Variants in JAG2 observed in about 807,000 individuals in gnomAD.
JAG2 encodes the protein jagged canonical Notch ligand 2.
In JAG2, 46 loss-of-function variants were observed where a neutral mutation model predicts 141.7. The observed-to-expected ratio is 0.32, with a 90% CI of 0.26 to 0.42. JAG2 has a LOEUF of 0.42. JAG2 is among the 10% of genes least tolerant of loss of function. The pLI is 1.00. For synonymous variants in JAG2, 862 were observed against 763.5 expected (o/e 1.13, Z -2.13); for missense variants, 1,500 against 1,817.5 (o/e 0.83, Z 3.18).
intron 7 of JAG2, 43 bp from the exon 8 acceptor site, chr14:105,151,782 C>T (rs1566764294): frequency 1.2e-6 from 2 of 1,600,872 alleles, no homozygotes; most frequent in Non-Finnish European, 1.7e-6. Flanking sequence ...AGCCAGGCCC[C>T]CAGCTTTCCA....
At chr14:105,166,978 AC>A (rs1197624781) in intron 2 of JAG2, among the ~76,000 whole-genome samples, 3 of 151,800 alleles carry the variant, frequency 2.0e-5, no homozygotes, top group African/African-American at 7.3e-5. Flanking sequence ...ACCTACCACT[AC>A]CCACCTGCCA....
In JAG2 at chr14:105,154,545, A is replaced by G. The variant is rs903965215; in HGVS notation, c.788+1017T>C. 6.6e-6 allele frequency among the ~76,000 whole-genome samples: 1 copy of G among 151,964 alleles called. No individual in the cohort carries two copies. Among genetic ancestry groups the G allele is most frequent in the Non-Finnish European group, 1.5e-5 (1 of 67,966 alleles). On this transcript the variant is annotated intron_variant, in intron 5 of 25. Transcript: ENST00000331782. The surrounding 1 kb of genome is among the most constrained non-coding windows in gnomAD (Gnocchi z 4.4). ...CTCTGGTCTGGGTCCAGAGGCCTCCACCATCTGGACTTGGCTGTAAGACCC... is the reference window on the plus strand; with the variant it reads ...CTCTGGTCTGGGTCCAGAGGCCTCCGCCATCTGGACTTGGCTGTAAGACCC...
In JAG2 at chr14:105,145,785, C is replaced by G; in HGVS notation, c.2898G>C (p.Leu966=). The change falls in exon 23 of 26, where the codon CTG becomes CTC. Residue 966 remains leucine, a synonymous_variant. Transcript: ENST00000331782. ...STPCLPRSGH[L]DNNCARLTLH... is the part of the protein sequence containing the mutation. ...AGGTGAGGCGGGCACAGTTATTGTCCAGGTGGCCGGAGCGTGGCAGGCAGG... is the reference window on the plus strand; with the variant it reads ...AGGTGAGGCGGGCACAGTTATTGTCGAGGTGGCCGGAGCGTGGCAGGCAGG... 6.3e-7 allele frequency: 1 copy of G among 1,579,848 alleles called. No homozygotes were observed. Among genetic ancestry groups the G allele is most frequent in the Non-Finnish European group, 8.6e-7 (1 of 1,163,380 alleles).
chr14:105,160,682 G>A (rs1888721696), intron 2 of JAG2, among the ~76,000 whole-genome samples: 1 of 152,016 alleles, frequency 6.6e-6, no homozygotes, highest in Non-Finnish European at 1.5e-5. Context: ...GGTCAACACG[G>A]TTAATCCTCA....
chr14:105,158,037 C>T lies in JAG2; in HGVS notation c.418-274G>A, dbSNP rs79353266. ...GTTGGGGTGCCAGAGGCCCAGCCTG[C>T]CCTGAGCTGGCTCAAGTCAGCACGG... On this transcript the variant is annotated intron_variant, in intron 2 of 25. Coordinates refer to ENST00000331782, the MANE Select transcript of JAG2 (RefSeq NM_002226.5). Among the ~76,000 whole-genome samples the T allele has an allele frequency of 5.0e-3, 765 of 152,320 alleles. 5 individuals are homozygous for T. The highest frequency in any genetic ancestry group is 0.017 in the African/African-American group (724 of 41,570).
intron 25 of JAG2, 89 bp from the exon 26 acceptor site, chr14:105,143,259 G>A (rs1888118917): frequency 2.7e-6 from 4 of 1,456,126 alleles, no homozygotes; most frequent in Non-Finnish European, 2.8e-6. Flanking sequence ...AGGGCCCTGC[G>A]GGCCAGGCGG....
chr14:105,168,197 C>G, intron 1 of JAG2, 90 bp from the exon 2 acceptor site: 1 of 1,105,022 alleles, frequency 9.0e-7, no homozygotes. Context: ...CCCCGCCGCC[C>G]CGCCCCCACC....
At chr14:105,144,052 C>A (rs1227909728) in intron 24 of JAG2, among the ~76,000 whole-genome samples, 1 of 151,806 alleles carries the variant, frequency 6.6e-6, no homozygotes, top group Admixed American at 6.6e-5. Flanking sequence ...CACAGGAGAG[C>A]CCGGGGTCCT....
chr14:105,157,447 T>G (rs990505357), intron 3 of JAG2, among the ~76,000 whole-genome samples: 1 of 151,970 alleles, frequency 6.6e-6, no homozygotes, highest in Non-Finnish European at 1.5e-5. Context: ...CTCCACTAAG[T>G]CACTGCCATG....
intron 5 of JAG2, among the ~76,000 whole-genome samples, chr14:105,152,743 G>A (rs1028950386): frequency 7.2e-5 from 11 of 152,136 alleles, no homozygotes; most frequent in Admixed American, 1.3e-4. Context: ...ACGTGCCCTC[G>A]CCCCCACCTC....
chr14:105,148,916 C>A lies in JAG2; in HGVS notation c.1906+21G>T, dbSNP rs760777265. ...AGGCCAGCCCAGCCCCACCACCAGCCCGCCGTTCGTGGCCACTCACTCTCA... is the reference window on the plus strand; with the variant it reads ...AGGCCAGCCCAGCCCCACCACCAGCACGCCGTTCGTGGCCACTCACTCTCA... On this transcript the variant is annotated intron_variant, in intron 14 of 25. Coordinates refer to ENST00000331782, the MANE Select transcript of JAG2 (RefSeq NM_002226.5). The A allele has an allele frequency of 1.3e-5, 21 of 1,599,050 alleles. No homozygotes were observed. The South Asian group carries it at 2.4e-4, about 18-fold the overall frequency.
intron 17 of JAG2, 27 bp from the exon 18 acceptor site, chr14:105,147,915 G>A (rs192385853): frequency 4.0e-5 from 60 of 1,503,884 alleles, no homozygotes; most frequent in South Asian, 3.5e-4. Context: ...AGGAGGGAGC[G>A]TCTCACCTGG....
Position 105,154,802 on chromosome 14 carries a change from G to A in JAG2, c.788+760C>T, listed in dbSNP as rs984688571. Among the ~76,000 whole-genome samples the A allele has an allele frequency of 4.0e-5, 6 of 151,628 alleles. No individual in the cohort carries two copies. The highest frequency in any genetic ancestry group is 1.9e-4 in the East Asian group (1 of 5,142). On this transcript the variant is annotated intron_variant, in intron 5 of 25. Coordinates refer to ENST00000331782, the MANE Select transcript of JAG2 (RefSeq NM_002226.5). This position sits in a 1 kb window ranked among gnomAD's most constrained non-coding sequence, Gnocchi z 4.4. ...CGCCTCTCCACATCCAGCTAACCCC[G>A]GCCCCGCCTGCTCCTCTGTGGCATT...
intron 2 of JAG2, among the ~76,000 whole-genome samples, chr14:105,161,135 CTGAG>C (rs1888735758): frequency 1.7e-5 from 2 of 119,482 alleles, no homozygotes; most frequent in Admixed American, 9.9e-5. Context: ...TGTTGGGGGT[CTGAG>C]TGAGGTCTGT....
Position 105,157,573 on chromosome 14 carries a change from A to G in JAG2, c.475+133T>C, listed in dbSNP as rs113463760. ...CGTGGCAGAGCTTCCTGGCAGCCAA[A>G]GCAAAAAGGGAAACAGCACACATGA... On this transcript the variant is annotated intron_variant, in intron 3 of 25. Coordinates refer to ENST00000331782, the MANE Select transcript of JAG2 (RefSeq NM_002226.5). The G allele has an allele frequency of 9.1e-5, 83 of 916,678 alleles. No homozygotes were observed. The African/African-American group carries it at 1.1e-3, about 12-fold the overall frequency. The allele number at this position is 916,678 out of a possible 1,614,324, so 56.8% of individuals were successfully genotyped here. A position where few individuals can be genotyped will look rare whatever the true frequency, so the allele number is the denominator to read the frequency against.
chr14:105,149,137 A>ACCCCCCC, intron 13 of JAG2, 33 bp downstream of exon 13: 1 of 374,394 alleles, frequency 2.7e-6, no homozygotes, highest in South Asian at 3.0e-5. Context: ...CTGCCCCACC[A>ACCCCCCC]CCTCCCCCAC....
intron 3 of JAG2, 88 bp downstream of exon 3, chr14:105,157,618 C>T (rs1888618927): frequency 8.0e-7 from 1 of 1,247,086 alleles, no homozygotes; most frequent in Non-Finnish European, 1.1e-6. Context: ...TAAAGCAAGG[C>T]TTTGTCCCAA....
Position 105,152,060 on chromosome 14 carries a change from G to A in JAG2, c.920-3C>T. On this transcript the variant is annotated splice_polypyrimidine_tract_variant and splice_region_variant and intron_variant, in intron 6 of 25. Transcript: ENST00000331782. ...GTGGCTGCCACAGTAGTTCAGGTCT[G>A]GGGGCAGGGGTGGGATGCTCAGGGG... The A allele has an allele frequency of 6.2e-7, 1 of 1,613,214 alleles. No individual in the cohort carries two copies. Among genetic ancestry groups the A allele is most frequent in the Non-Finnish European group, 8.5e-7 (1 of 1,179,932 alleles).
chr14:105,146,047 C>T, intron 22 of JAG2, 74 bp from the exon 23 acceptor site: 3 of 1,546,874 alleles, frequency 1.9e-6, no homozygotes, highest in Non-Finnish European at 2.6e-6. Flanking sequence ...GATGAGAACC[C>T]ACAGGCAGGC....
Sources: allele counts gnomAD v4.1 joint callset (sites outside exome capture counted in the v4.1 genomes callset), GRCh38; gene constraint gnomAD v4.1.1; non-coding constraint Gnocchi (gnomAD v3.1); transcripts MANE v1.5; gene names NCBI Gene and HGNC (gene_info 2026-07-23, HGNC 2026-07-21).